Variants in AKAP13 observed in about 807,000 individuals in gnomAD.
AKAP13 encodes A-kinase anchoring protein 13, also known as A-kinase anchor protein 13.
A neutral mutation model predicts 264.5 loss-of-function variants in AKAP13; 80 were observed. The ratio of observed to expected loss-of-function variants is 0.30; its 90% CI spans 0.25 to 0.36. The LOEUF is 0.36. Among genes scored for constraint, AKAP13 ranks in the 10% least tolerant of loss-of-function variants. The pLI, the probability that AKAP13 is intolerant of heterozygous loss-of-function variation, is 1.00. For missense variants in AKAP13, 3,712 were observed against 3,435.2 expected (o/e 1.08, Z -2.01); for synonymous variants, 1,380 against 1,250.2 (o/e 1.10, Z -2.19).
intron 33 of AKAP13, among the ~76,000 whole-genome samples, chr15:85,738,075 G>A (rs1379881700): frequency 2.0e-5 from 3 of 152,086 alleles, no homozygotes; most frequent in Non-Finnish European, 4.4e-5. Context: ...GAGTCGGCAG[G>A]TTCTTCTGTT....
rs1457413931 is a variant in AKAP13 at position 85,741,108 on chromosome 15, G to A, written c.7671G>A (p.Ala2557=). 5.0e-6 allele frequency: 8 copies of A among 1,613,478 alleles called. No individual in the cohort carries two copies. Among genetic ancestry groups the A allele is most frequent in the Admixed American group, 1.7e-5 (1 of 59,988 alleles). The change falls in exon 35 of 37, where the codon GCG becomes GCA. Residue 2557 remains alanine, a synonymous_variant. Coordinates refer to ENST00000394518, the MANE Select transcript of AKAP13 (RefSeq NM_007200.5). ...AGAAACTGGTGCTGAGCGAGAGGGC[G>A]CTCACTCGCAGCTTGTCCCGCCCGA... ...EDQKLVLSER[A]LTRSLSRPSS...
intron 1 of AKAP13, among the ~76,000 whole-genome samples, chr15:85,430,089 T>A (rs780059910): frequency 6.6e-6 from 1 of 152,220 alleles, no homozygotes; most frequent in Non-Finnish European, 1.5e-5. Flanking sequence ...TATTTGCATA[T>A]CTTTTGGACT....
chr15:85,450,822 T>C (rs2074060310), intron 1 of AKAP13, among the ~76,000 whole-genome samples: 1 of 152,242 alleles, frequency 6.6e-6, no homozygotes, highest in African/African-American at 2.4e-5. Flanking sequence ...GAGAAGAATG[T>C]ATATTCTGTT....
At chr15:85,534,517 C>T (rs2151192699) in intron 4 of AKAP13, 1 of 152,242 alleles carries the variant, frequency 6.6e-6, no homozygotes, top group South Asian at 2.1e-4. Flanking sequence ...TCACTGCAGC[C>T]TCCACCTCCT....
Position 85,744,737 on chromosome 15 carries a change from T to G in AKAP13, c.*60T>G, listed in dbSNP as rs868368972. On this transcript the variant is annotated 3_prime_UTR_variant, in exon 37 of 37. Coordinates refer to ENST00000394518, the MANE Select transcript of AKAP13 (RefSeq NM_007200.5). ...ATCCTGGCCAGCCCACCTCTCCTGC[T>G]GTCCCCGCGTGCACAAGTCTCTTAC... The G allele has an allele frequency of 4.9e-5, 72 of 1,477,334 alleles. No homozygotes were observed. The African/African-American group carries it at 9.3e-4, about 19-fold the overall frequency. 91.5% of individuals were successfully genotyped at this position (1,477,334 alleles called of 1,614,324 possible). A position where few individuals can be genotyped will look rare whatever the true frequency, so the allele number is the denominator to read the frequency against.
intron 17 of AKAP13, among the ~76,000 whole-genome samples, chr15:85,698,797 A>G (rs1247002091): frequency 2.7e-5 from 4 of 150,478 alleles, no homozygotes; most frequent in Non-Finnish European, 5.9e-5. Flanking sequence ...TACAGAAATC[A>G]GCTGGGCATG....
At chr15:85,447,048 C>G (rs578149697) in intron 1 of AKAP13, among the ~76,000 whole-genome samples, 1 of 152,212 alleles carries the variant, frequency 6.6e-6, no homozygotes, top group East Asian at 1.9e-4. Context: ...GCCAGGAGAT[C>G]ACAAGGTCAA....
intron 1 of AKAP13, among the ~76,000 whole-genome samples, chr15:85,458,149 A>T (rs921131439): frequency 2.0e-5 from 3 of 151,866 alleles, no homozygotes; most frequent in African/African-American, 7.3e-5. Flanking sequence ...AAAAAAAAAA[A>T]AAAAAGTTGA....
chr15:85,484,587 A>G (rs1343492403), intron 1 of AKAP13, among the ~76,000 whole-genome samples: 1 of 152,246 alleles, frequency 6.6e-6, no homozygotes. Context: ...GATTGCATTT[A>G]GGAGGCTGAT....
chr15:85,714,998 G>T (rs2086845153), intron 19 of AKAP13, among the ~76,000 whole-genome samples: 1 of 151,946 alleles, frequency 6.6e-6, no homozygotes, highest in South Asian at 2.1e-4. Context: ...AATCTTATTT[G>T]CAGCTTAAAT....
intron 16 of AKAP13, among the ~76,000 whole-genome samples, chr15:85,689,464 T>G (rs1318438584): frequency 6.6e-6 from 1 of 152,248 alleles, no homozygotes; most frequent in Non-Finnish European, 1.5e-5. Flanking sequence ...CCTTTGATAG[T>G]GTCCTAGTGC....
intron 1 of AKAP13, among the ~76,000 whole-genome samples, chr15:85,458,800 C>T (rs978576061): frequency 1.3e-5 from 2 of 152,136 alleles, no homozygotes; most frequent in South Asian, 2.1e-4. Flanking sequence ...TTTTCCGTGA[C>T]AACTTGGTGC....
chr15:85,402,327 A>G (rs1403865878), intron 1 of AKAP13, among the ~76,000 whole-genome samples: 2 of 152,182 alleles, frequency 1.3e-5, no homozygotes, highest in South Asian at 2.1e-4. Flanking sequence ...CAGTTTGGAA[A>G]CATCTGGACT....
At chr15:85,426,958 T>TTG (rs1158825016) in intron 1 of AKAP13, among the ~76,000 whole-genome samples, 11 of 146,332 alleles carry the variant, frequency 7.5e-5, no homozygotes, top group Admixed American at 1.4e-4. Context: ...TTGTTTTGTT[T>TTG]TTTTTTTTTT....
chr15:85,699,421 G>C (rs921077038), intron 17 of AKAP13, among the ~76,000 whole-genome samples: 1 of 150,478 alleles, frequency 6.6e-6, no homozygotes, highest in African/African-American at 2.5e-5. Flanking sequence ...TTTAGCGTGC[G>C]CAACAAGAGT....
intron 1 of AKAP13, among the ~76,000 whole-genome samples, chr15:85,452,911 G>A (rs1356085405): frequency 6.6e-6 from 1 of 152,162 alleles, no homozygotes; most frequent in Non-Finnish European, 1.5e-5. Context: ...GATCTTATTA[G>A]TGGTTTTGGC....
At chr15:85,621,200 C>G (rs1469104771) in intron 8 of AKAP13, 3 of 152,110 alleles carry the variant, frequency 2.0e-5, no homozygotes, top group African/African-American at 7.2e-5. Context: ...GGAATGGGCT[C>G]AGAAGGCTAG....
intron 8 of AKAP13, among the ~76,000 whole-genome samples, chr15:85,629,159 T>C (rs971309058): frequency 2.0e-5 from 3 of 152,016 alleles, no homozygotes; most frequent in African/African-American, 7.3e-5. Flanking sequence ...ATTGCACCAC[T>C]GTACTCCAGC....
intron 8 of AKAP13, among the ~76,000 whole-genome samples, chr15:85,601,608 T>TTTTGTG (rs369305957): frequency 7.6e-6 from 1 of 131,990 alleles, no homozygotes; most frequent in African/African-American, 2.9e-5. Context: ...CCTGAATTCT[T>TTTTGTG]TGTGTGTGTG....
Sources: allele counts gnomAD v4.1 joint callset (sites outside exome capture counted in the v4.1 genomes callset), GRCh38; gene constraint gnomAD v4.1.1; transcripts MANE v1.5; gene names NCBI Gene and HGNC (gene_info 2026-07-23, HGNC 2026-07-21).